The following KDM4C variants were observed in gnomAD, a reference collection of about 807,000 sequenced individuals.
KDM4C encodes the protein lysine demethylase 4C.
In KDM4C, 81 loss-of-function variants were observed where a neutral mutation model predicts 129.3. That is an observed-to-expected ratio of 0.63 (90% CI 0.52 to 0.75). KDM4C has a LOEUF of 0.75. Among genes scored for constraint, KDM4C ranks in the 30% least tolerant of loss-of-function variants. The pLI is 0.00. For missense variants in KDM4C, 1,457 were observed against 1,304.0 expected, an observed-to-expected ratio of 1.12 and a Z score of -1.81; for synonymous variants, 573 against 456.1, an observed-to-expected ratio of 1.26 and a Z score of -3.26.
intron 5 of KDM4C, among the ~76,000 whole-genome samples, chr9:6,869,256 C>A (rs1457636502): frequency 6.6e-6 from 1 of 152,098 alleles, no homozygotes; most frequent in Non-Finnish European, 1.5e-5. Context: ...AGGAAATGGG[C>A]CATGAATGGC....
intron 1 of KDM4C, among the ~76,000 whole-genome samples, chr9:6,769,277 T>G (rs1219082103): frequency 6.6e-6 from 1 of 152,132 alleles, no homozygotes; most frequent in East Asian, 1.9e-4. Flanking sequence ...TGATCAGAAT[T>G]GTTTATCTAG....
chr9:6,780,378 G>A (rs1437758909), intron 1 of KDM4C, among the ~76,000 whole-genome samples: 1 of 151,244 alleles, frequency 6.6e-6, no homozygotes, highest in Non-Finnish European at 1.5e-5. Context: ...TTAAGAGATC[G>A]GGAATTTGTA....
At chr9:6,878,555 T>A (rs752048290) in intron 5 of KDM4C, among the ~76,000 whole-genome samples, 9 of 152,196 alleles carry the variant, frequency 5.9e-5, no homozygotes, top group Non-Finnish European at 1.3e-4. Context: ...AGAGCCATCT[T>A]GCCTTACTTT....
chr9:6,993,137 A>G (rs1277497711), intron 12 of KDM4C, among the ~76,000 whole-genome samples: 1 of 152,140 alleles, frequency 6.6e-6, no homozygotes, highest in Non-Finnish European at 1.5e-5. Context: ...CCGGGAAAAG[A>G]TTTTCCATGT....
At chr9:6,852,543 G>C (rs1180362307) in intron 5 of KDM4C, among the ~76,000 whole-genome samples, 1 of 152,162 alleles carries the variant, frequency 6.6e-6, no homozygotes, top group African/African-American at 2.4e-5. Context: ...ATGCACATGT[G>C]GGTGCGTGTG....
intron 19 of KDM4C, among the ~76,000 whole-genome samples, chr9:7,164,570 C>T (rs1368253965): frequency 6.6e-6 from 1 of 152,142 alleles, no homozygotes; most frequent in Non-Finnish European, 1.5e-5. Context: ...TTTAGAAGGG[C>T]CGTGCTAAAC....
chr9:6,728,712 G>A (rs1399065774), intron 1 of KDM4C, among the ~76,000 whole-genome samples: 6 of 151,888 alleles, frequency 4.0e-5, no homozygotes, highest in Non-Finnish European at 8.8e-5. Flanking sequence ...CAGGGATGGT[G>A]GCGCATGCCT....
chr9:7,069,709 T>C (rs530921438), intron 17 of KDM4C, among the ~76,000 whole-genome samples: 2 of 152,312 alleles, frequency 1.3e-5, no homozygotes, highest in South Asian at 4.1e-4. Context: ...TTTTATCACA[T>C]GGAAATGTGG....
chr9:6,759,962 T>TATAAATAAATAA (rs34081778), intron 1 of KDM4C, among the ~76,000 whole-genome samples: 99 of 143,074 alleles, frequency 6.9e-4, no homozygotes, highest in Admixed American at 2.0e-3. Flanking sequence ...AAAGTAAAAA[T>TATAAATAAATAA]ATAAATAAAT....
At chr9:6,856,906 C>G (rs564391968) in intron 5 of KDM4C, among the ~76,000 whole-genome samples, 1 of 151,878 alleles carries the variant, frequency 6.6e-6, no homozygotes, top group East Asian at 1.9e-4. Flanking sequence ...TACAGGCGCC[C>G]GCCACCGCGC....
rs1027091149 is a variant in KDM4C, at chr9:6,799,961, G to A, written c.145-5638G>A. Among the ~76,000 whole-genome samples, 6 of 151,894 alleles carry A rather than the reference G, an allele frequency of 4.0e-5. No individual in the cohort carries two copies. The South Asian group carries it at 6.2e-4, about 16-fold the overall frequency. On this transcript the variant is annotated intron_variant, in intron 2 of 21. Coordinates refer to ENST00000381309, the MANE Select transcript of KDM4C (RefSeq NM_015061.6). ...AGTGTGGCTGGGCATGGTGGCTCACGCCTGTAGTCCCAGCACTTTGGGAGG... is the reference window on the plus strand; with the variant it reads ...AGTGTGGCTGGGCATGGTGGCTCACACCTGTAGTCCCAGCACTTTGGGAGG...
At chr9:6,818,637 C>T (rs1232563670) in intron 4 of KDM4C, among the ~76,000 whole-genome samples, 1 of 152,162 alleles carries the variant, frequency 6.6e-6, no homozygotes, top group East Asian at 1.9e-4. Context: ...TACCAGTAGG[C>T]TTCCTTAAGG....
intron 4 of KDM4C, chr9:6,835,238 A>C: frequency 4.4e-6 from 4 of 912,876 alleles, no homozygotes; most frequent in Non-Finnish European, 7.4e-6. Context: ...GCACTCTTCC[A>C]GCTTTCCTTC....
At chr9:7,153,442 G>A (rs907742019) in intron 19 of KDM4C, among the ~76,000 whole-genome samples, 3 of 152,146 alleles carry the variant, frequency 2.0e-5, no homozygotes, top group Admixed American at 6.5e-5. Context: ...CTCAGAGAGC[G>A]CACATCCTTA....
At chr9:6,811,732 T>G (rs1385183742) in intron 3 of KDM4C, among the ~76,000 whole-genome samples, 1 of 152,130 alleles carries the variant, frequency 6.6e-6, no homozygotes, top group Non-Finnish European at 1.5e-5. Context: ...ATAACTGAGT[T>G]CCAGAGAAAT....
chr9:6,951,752 A>G (rs1191364182), intron 8 of KDM4C, among the ~76,000 whole-genome samples: 2 of 152,220 alleles, frequency 1.3e-5, no homozygotes, highest in Non-Finnish European at 2.9e-5. Flanking sequence ...CATGTAGCAT[A>G]GAGATGCCCA....
intron 8 of KDM4C, among the ~76,000 whole-genome samples, chr9:6,900,198 A>G (rs184893498): frequency 6.2e-4 from 95 of 152,274 alleles, no homozygotes; most frequent in African/African-American, 2.1e-3. Context: ...GGGTGGTCCT[A>G]TATCTTACGT....
At chr9:6,974,694 A>G (rs1016918921) in intron 8 of KDM4C, 3 of 152,156 alleles carry the variant, frequency 2.0e-5, no homozygotes, top group Non-Finnish European at 4.4e-5. Flanking sequence ...GACTCATACA[A>G]ATATTTATGT....
At chr9:6,937,657 A>G (rs1825065853) in intron 8 of KDM4C, among the ~76,000 whole-genome samples, 1 of 152,078 alleles carries the variant, frequency 6.6e-6, no homozygotes, top group Non-Finnish European at 1.5e-5. Flanking sequence ...TTGCTTCCTG[A>G]GGTCTGGGAA....
Sources: allele counts gnomAD v4.1 joint callset (sites outside exome capture counted in the v4.1 genomes callset), GRCh38; gene constraint gnomAD v4.1.1; transcripts MANE v1.5; gene names NCBI Gene and HGNC (gene_info 2026-07-23, HGNC 2026-07-21).